Variants in FHIT observed in about 807,000 individuals in gnomAD.
FHIT encodes bis(5'-adenosyl)-triphosphatase.
A neutral mutation model predicts 17.9 loss-of-function variants in FHIT; 19 were observed. The observed-to-expected ratio is 1.06, with a 90% CI of 0.74 to 1.56. The LOEUF is 1.56. Among genes scored for constraint, FHIT ranks in the 40% most tolerant of loss-of-function variants. The probability of loss-of-function intolerance (pLI) is 0.00; values close to 1 mark genes in which losing one functional copy is unlikely to be tolerated. For missense variants in FHIT, 248 were observed against 189.2 expected, an observed-to-expected ratio of 1.31 and a Z score of -1.82; for synonymous variants, 81 against 69.7, an observed-to-expected ratio of 1.16 and a Z score of -0.81.
intron 7 of FHIT, among the ~76,000 whole-genome samples, chr3:59,991,583 C>T (rs1291574439): frequency 1.3e-5 from 2 of 152,060 alleles, no homozygotes; most frequent in Non-Finnish European, 2.9e-5. Context: ...CTATTCATTG[C>T]TATCGGGTTA....
At chr3:60,617,301 A>C (rs1250936292) in intron 4 of FHIT, 1 of 174,654 alleles carries the variant, frequency 5.7e-6, no homozygotes, top group Non-Finnish European at 1.3e-5. Context: ...TGTCCCATGA[A>C]AACCTAAACT....
At chr3:61,228,941 A>T (rs990098353) in intron 1 of FHIT, among the ~76,000 whole-genome samples, 2 of 152,204 alleles carry the variant, frequency 1.3e-5, no homozygotes, top group African/African-American at 4.8e-5. Context: ...TGAGAGAGAA[A>T]GCCAGTCTTT....
chr3:60,296,083 T>C (rs1368664706), intron 5 of FHIT, among the ~76,000 whole-genome samples: 1 of 152,148 alleles, frequency 6.6e-6, no homozygotes, highest in Non-Finnish European at 1.5e-5. Context: ...AGATGTGCCT[T>C]TCACCTTCTG....
chr3:59,885,051 A>G (rs1170898716), intron 8 of FHIT, among the ~76,000 whole-genome samples: 1 of 152,256 alleles, frequency 6.6e-6, no homozygotes, highest in Non-Finnish European at 1.5e-5. Flanking sequence ...TGGAGTGCCA[A>G]AACAGATTTG....
At chr3:60,815,816 T>C (rs756853450) in intron 4 of FHIT, among the ~76,000 whole-genome samples, 43 of 152,100 alleles carry the variant, frequency 2.8e-4, no homozygotes, top group Non-Finnish European at 5.7e-4. Context: ...TGTAGATTAT[T>C]TTGGGCAGTA....
chr3:60,452,238 A>G (rs1382884359), intron 5 of FHIT, among the ~76,000 whole-genome samples: 1 of 152,126 alleles, frequency 6.6e-6, no homozygotes, highest in African/African-American at 2.4e-5. Flanking sequence ...AAATCACACT[A>G]ATTTGGACTA....
At chr3:60,869,814 A>G (rs781829180) in intron 3 of FHIT, among the ~76,000 whole-genome samples, 1 of 152,050 alleles carries the variant, frequency 6.6e-6, no homozygotes, top group African/African-American at 2.4e-5. Flanking sequence ...GTCTCATCCA[A>G]CTTCTCCCTT....
chr3:61,227,580 TA>T (rs925436771), intron 1 of FHIT, among the ~76,000 whole-genome samples: 18 of 150,888 alleles, frequency 1.2e-4, no homozygotes, highest in Admixed American at 4.6e-4. Flanking sequence ...ATGTGACTTA[TA>T]AAAAAAAAGA....
At chr3:60,666,302 A>T (rs2073894760) in intron 4 of FHIT, among the ~76,000 whole-genome samples, 1 of 152,142 alleles carries the variant, frequency 6.6e-6, no homozygotes, top group South Asian at 2.1e-4. Flanking sequence ...AAATTCATTT[A>T]CTTTTCCTTC....
chr3:60,061,027 T>C (rs908752415), intron 5 of FHIT, among the ~76,000 whole-genome samples: 8 of 152,302 alleles, frequency 5.3e-5, no homozygotes, highest in African/African-American at 1.9e-4. Context: ...CAAGGAGCTA[T>C]TGGTTGGTCC....
At chr3:60,070,940 C>T (rs1432907721) in intron 5 of FHIT, among the ~76,000 whole-genome samples, 1 of 152,238 alleles carries the variant, frequency 6.6e-6, no homozygotes. Context: ...GTCCATCTAC[C>T]TGATGACATG....
At chr3:60,275,451 T>G (rs1047980486) in intron 5 of FHIT, among the ~76,000 whole-genome samples, 10 of 152,218 alleles carry the variant, frequency 6.6e-5, no homozygotes, top group Non-Finnish European at 1.2e-4. Flanking sequence ...TTATCCATTT[T>G]GAGCAACTAA....
Position 61,185,082 on chromosome 3 carries a change from C to T in FHIT, c.-164+15535G>A, listed in dbSNP as rs1051575194. Reference sequence around the variant, plus strand: ...GTATAAATAGACTTTTTCCCCCCCACGAAGTAGGAAAAGGATTAAGTAGGC... The same window carrying T: ...GTATAAATAGACTTTTTCCCCCCCATGAAGTAGGAAAAGGATTAAGTAGGC... On this transcript the variant is annotated intron_variant, in intron 2 of 9. Coordinates refer to ENST00000492590, the MANE Select transcript of FHIT (RefSeq NM_002012.4). Among the ~76,000 whole-genome samples the T allele has an allele frequency of 5.3e-5, 8 of 152,248 alleles. 1 individual carries two copies. In the South Asian group the frequency reaches 1.0e-3, roughly 20 times the overall value.
At chr3:60,760,106 T>G (rs943681180) in intron 4 of FHIT, among the ~76,000 whole-genome samples, 3 of 152,202 alleles carry the variant, frequency 2.0e-5, no homozygotes, top group African/African-American at 4.8e-5. Context: ...TCTCTCTCCT[T>G]TCGTTCTTTC....
intron 2 of FHIT, among the ~76,000 whole-genome samples, chr3:61,076,767 G>A (rs2034985453): frequency 6.6e-6 from 1 of 152,120 alleles, no homozygotes; most frequent in Non-Finnish European, 1.5e-5. Flanking sequence ...GTGTTAAGAG[G>A]TAGAGGAATG....
At chr3:61,040,816 C>T (rs1388753412) in intron 3 of FHIT, among the ~76,000 whole-genome samples, 3 of 152,174 alleles carry the variant, frequency 2.0e-5, no homozygotes, top group Non-Finnish European at 2.9e-5. Context: ...GCCACTTATA[C>T]CTTATTCCCC....
chr3:61,094,683 C>A (rs2035585920), intron 2 of FHIT, among the ~76,000 whole-genome samples: 1 of 152,200 alleles, frequency 6.6e-6, no homozygotes, highest in Admixed American at 6.5e-5. Flanking sequence ...AGCATTACTA[C>A]TCTTGTGCTG....
At chr3:60,950,701 T>C (rs1346592025) in intron 3 of FHIT, among the ~76,000 whole-genome samples, 1 of 151,800 alleles carries the variant, frequency 6.6e-6, no homozygotes, top group South Asian at 2.1e-4. Context: ...TTTTTTATTT[T>C]TAGTACAGAT....
intron 5 of FHIT, among the ~76,000 whole-genome samples, chr3:60,162,472 G>T (rs1700983194): frequency 6.6e-6 from 1 of 152,114 alleles, no homozygotes; most frequent in Admixed American, 6.5e-5. Context: ...GTGCAGTCCA[G>T]CCTCAGTTTC....
Sources: allele counts gnomAD v4.1 joint callset (sites outside exome capture counted in the v4.1 genomes callset), GRCh38; gene constraint gnomAD v4.1.1; transcripts MANE v1.5; gene names NCBI Gene and HGNC (gene_info 2026-07-23, HGNC 2026-07-21).